The following VPS13B variants were observed in gnomAD, a reference collection of about 807,000 sequenced individuals.
VPS13B encodes the protein vacuolar protein sorting 13 homolog B, also known as intermembrane lipid transfer protein VPS13B.
A neutral mutation model predicts 426.4 loss-of-function variants in VPS13B; 285 were observed. The observed-to-expected ratio is 0.67, with a 90% CI of 0.61 to 0.74. The LOEUF is 0.74. VPS13B is among the 30% of genes least tolerant of loss of function. The pLI is 0.00. For missense variants in VPS13B, 4,537 were observed against 4,782.6 expected, an observed-to-expected ratio of 0.95 and a Z score of 1.51; for synonymous variants, 1,676 against 1,676.4, an observed-to-expected ratio of 1.00 and a Z score of 0.01.
chr8:99,664,290 C>G (rs1830365175), intron 35 of VPS13B, among the ~76,000 whole-genome samples: 1 of 151,754 alleles, frequency 6.6e-6, no homozygotes, highest in Non-Finnish European at 1.5e-5. Context: ...CAGGCATGAG[C>G]CACCGTGCCC....
At chr8:99,410,248 G>A (rs972869276) in intron 21 of VPS13B, among the ~76,000 whole-genome samples, 1 of 152,120 alleles carries the variant, frequency 6.6e-6, no homozygotes, top group Non-Finnish European at 1.5e-5. Flanking sequence ...TGAACTTCAT[G>A]TTTCTTTGCA....
intron 17 of VPS13B, among the ~76,000 whole-genome samples, chr8:99,220,874 G>C (rs111493838): frequency 0.019 from 2,091 of 110,706 alleles, 45 homozygotes; most frequent in Middle Eastern, 0.033. Context: ...TGCCATGCTG[G>C]TGCGCTGCAC....
chr8:99,472,250 C>G (rs746260172), intron 24 of VPS13B, among the ~76,000 whole-genome samples: 9 of 152,012 alleles, frequency 5.9e-5, no homozygotes, highest in Non-Finnish European at 1.3e-4. Flanking sequence ...ATACTATGCA[C>G]TCACCTTGAT....
At position 99,667,547 on chromosome 8, in the gene VPS13B, G is replaced by C. The variant is rs532190793; in HGVS notation, c.6046+6056G>C. On this transcript the variant is annotated intron_variant, in intron 35 of 61. Coordinates refer to ENST00000357162, the MANE Select transcript of VPS13B (RefSeq NM_152564.5). ...GATTAGTTTAAATGATATATCAGCTGTGTGTGACTTCTTCTAAAACACTAA... is the reference window on the plus strand; with the variant it reads ...GATTAGTTTAAATGATATATCAGCTCTGTGTGACTTCTTCTAAAACACTAA... Among the ~76,000 whole-genome samples the C allele has an allele frequency of 2.0e-4, 31 of 152,242 alleles. No individual in the cohort carries two copies. In the East Asian group the frequency reaches 5.6e-3, roughly 27 times the overall value.
At position 99,731,717 on chromosome 8, in the gene VPS13B, T is replaced by C. The variant is rs186867277; in HGVS notation, c.7050+10670T>C. The stretch of plus-strand genomic sequence containing the variant: ...AGAGAGGTTATAGAGAAGAAATCTA[T>C]GTTCTTGACAACTAATATGGTAATT... On this transcript the variant is annotated intron_variant, in intron 39 of 61. Transcript: ENST00000357162. Among the ~76,000 whole-genome samples, 731 of 152,286 alleles carry C rather than the reference T, an allele frequency of 4.8e-3. 2 individuals carry two copies. The highest frequency in any genetic ancestry group is 0.01 in the Middle Eastern group (3 of 294).
chr8:99,266,311 C>T lies in VPS13B; in HGVS notation c.2516-7887C>T, dbSNP rs138755229. Reference sequence around the variant, plus strand: ...CCTGTAGTCCCAGCTACCCAGGAGGCTGAGATGGGAGGATCACTTGAGCCC... The same window carrying T: ...CCTGTAGTCCCAGCTACCCAGGAGGTTGAGATGGGAGGATCACTTGAGCCC... On this transcript the variant is annotated intron_variant, in intron 17 of 61. Coordinates refer to ENST00000357162, the MANE Select transcript of VPS13B (RefSeq NM_152564.5). 6.1e-3 allele frequency among the ~76,000 whole-genome samples: 927 copies of T among 151,900 alleles called. 13 individuals carry two copies. The highest frequency in any genetic ancestry group is 0.021 in the African/African-American group (882 of 41,396).
chr8:99,863,747 A>G (rs527782550), intron 58 of VPS13B, among the ~76,000 whole-genome samples: 1 of 152,264 alleles, frequency 6.6e-6, no homozygotes, highest in African/African-American at 2.4e-5. Context: ...TGGTGTAGTC[A>G]TTGTGTCTTG....
At chr8:99,669,898 A>G (rs1483629554) in intron 35 of VPS13B, among the ~76,000 whole-genome samples, 2 of 152,216 alleles carry the variant, frequency 1.3e-5, no homozygotes, top group East Asian at 1.9e-4. Context: ...TTTCTACTTT[A>G]AAATAATTCC....
intron 17 of VPS13B, among the ~76,000 whole-genome samples, chr8:99,229,641 T>C (rs565770166): frequency 3.9e-4 from 59 of 152,184 alleles, no homozygotes; most frequent in Non-Finnish European, 7.1e-4. Flanking sequence ...AAATCTGATA[T>C]AAAGGACCGT....
intron 3 of VPS13B, among the ~76,000 whole-genome samples, chr8:99,076,583 A>G (rs1845134892): frequency 6.8e-6 from 1 of 146,284 alleles, no homozygotes; most frequent in Non-Finnish European, 1.5e-5. Flanking sequence ...TTCTTGCTGA[A>G]TTGATCCTTT....
intron 15 of VPS13B, among the ~76,000 whole-genome samples, chr8:99,160,189 A>C (rs1811570579): frequency 1.3e-5 from 2 of 152,266 alleles, no homozygotes; most frequent in Admixed American, 6.5e-5. Flanking sequence ...CAGCTCTTTC[A>C]ATTTTTAAAA....
At chr8:99,163,447 G>C (rs1463686566) in intron 15 of VPS13B, among the ~76,000 whole-genome samples, 1 of 152,220 alleles carries the variant, frequency 6.6e-6, no homozygotes, top group Non-Finnish European at 1.5e-5. Context: ...CGTGGAATAG[G>C]GGGTGGTGCT....
chr8:99,301,351 T>C (rs1212060267), intron 19 of VPS13B, among the ~76,000 whole-genome samples: 2 of 151,426 alleles, frequency 1.3e-5, no homozygotes, highest in Non-Finnish European at 2.9e-5. Context: ...TACAGTTTAA[T>C]GGCGCAATCT....
chr8:99,017,459 A>G (rs927765977), intron 2 of VPS13B, among the ~76,000 whole-genome samples: 1 of 150,382 alleles, frequency 6.6e-6, no homozygotes, highest in Non-Finnish European at 1.5e-5. Context: ...TGTCATAACT[A>G]TTTTAGGTCC....
intron 30 of VPS13B, among the ~76,000 whole-genome samples, chr8:99,546,626 A>G (rs2133742823): frequency 6.6e-6 from 1 of 152,134 alleles, no homozygotes; most frequent in African/African-American, 2.4e-5. Context: ...TTAAACTGTA[A>G]TCAAATGTAA....
chr8:99,493,733 G>A (rs1388542222), intron 25 of VPS13B, among the ~76,000 whole-genome samples: 3 of 140,158 alleles, frequency 2.1e-5, no homozygotes, highest in African/African-American at 5.4e-5. Flanking sequence ...AGTGAGCTGA[G>A]ATCGTGCCAC....
chr8:99,873,075 T>C (rs1380376229), intron 61 of VPS13B: 2 of 152,236 alleles, frequency 1.3e-5, no homozygotes, highest in East Asian at 3.8e-4. Context: ...GATTTGGCTA[T>C]AGGATTTGGC....
At chr8:99,655,194 C>A (rs1729819558) in intron 34 of VPS13B, among the ~76,000 whole-genome samples, 1 of 152,104 alleles carries the variant, frequency 6.6e-6, no homozygotes, top group South Asian at 2.1e-4. Context: ...AGATTATTTA[C>A]TTCCTTGATA....
At chr8:99,733,091 G>A (rs1041303626) in intron 39 of VPS13B, among the ~76,000 whole-genome samples, 4 of 152,158 alleles carry the variant, frequency 2.6e-5, no homozygotes, top group Non-Finnish European at 4.4e-5. Flanking sequence ...TGTTTGGGGT[G>A]TAAAAAATGA....
Sources: allele counts gnomAD v4.1 joint callset (sites outside exome capture counted in the v4.1 genomes callset), GRCh38; gene constraint gnomAD v4.1.1; transcripts MANE v1.5; gene names NCBI Gene and HGNC (gene_info 2026-07-23, HGNC 2026-07-21).